Variants in ANAPC10 observed in about 807,000 individuals in gnomAD.
ANAPC10 encodes anaphase-promoting complex subunit 10.
ANAPC10 carries 12 observed loss-of-function variants against 22.0 expected under a neutral mutation model. The ratio of observed to expected loss-of-function variants is 0.55; its 90% CI spans 0.35 to 0.88. The LOEUF (loss-of-function observed/expected upper bound fraction) is 0.88, where lower values mean the gene tolerates loss of function less well. Among genes scored for constraint, ANAPC10 ranks in the 40% least tolerant of loss-of-function variants. The probability of loss-of-function intolerance (pLI) is 0.01; values close to 1 mark genes in which losing one functional copy is unlikely to be tolerated. For missense variants in ANAPC10, 188 were observed against 220.9 expected, an observed-to-expected ratio of 0.85 and a Z score of 0.94; for synonymous variants, 65 against 69.5, an observed-to-expected ratio of 0.94 and a Z score of 0.32.
chr4:145,035,315 G>A (rs898870348), intron 4 of ANAPC10: 30 of 152,332 alleles, frequency 2.0e-4, no homozygotes, highest in African/African-American at 7.0e-4. Context: ...CCACTCTTTG[G>A]TCAAGAATAT....
At chr4:145,069,436 T>C (rs766303145) in intron 3 of ANAPC10, among the ~76,000 whole-genome samples, 8 of 152,166 alleles carry the variant, frequency 5.3e-5, no homozygotes, top group East Asian at 1.9e-4. Flanking sequence ...TTCACAAGGA[T>C]AGGCAAAGAA....
intron 4 of ANAPC10, among the ~76,000 whole-genome samples, chr4:145,011,711 A>G (rs972015284): frequency 1.3e-5 from 2 of 152,166 alleles, no homozygotes; most frequent in African/African-American, 4.8e-5. Flanking sequence ...AGACAAAATT[A>G]GAGACTTCAA....
At chr4:144,995,649 T>A in intron 4 of ANAPC10, 46 bp from the exon 5 acceptor site, 1 of 1,328,172 alleles carries the variant, frequency 7.5e-7, no homozygotes, top group Non-Finnish European at 1.1e-6. Context: ...TCAACAAATA[T>A]AATTTATAAC....
At chr4:145,046,743 C>T (rs948095842) in intron 4 of ANAPC10, among the ~76,000 whole-genome samples, 1 of 151,678 alleles carries the variant, frequency 6.6e-6, no homozygotes, top group African/African-American at 2.4e-5. Context: ...TTCTCTCTGT[C>T]CAGTTGCAAC....
intron 4 of ANAPC10, among the ~76,000 whole-genome samples, chr4:145,060,838 AATC>A (rs1318485304): frequency 1.3e-5 from 2 of 152,078 alleles, no homozygotes; most frequent in African/African-American, 4.8e-5. Flanking sequence ...GAAAAAATAA[AATC>A]ATGATCTGCT....
At chr4:145,079,838 G>A (rs1745706789) in intron 3 of ANAPC10, among the ~76,000 whole-genome samples, 1 of 152,124 alleles carries the variant, frequency 6.6e-6, no homozygotes, top group South Asian at 2.1e-4. Context: ...ACATGGCTAG[G>A]TGTAGTGGCT....
chr4:145,018,142 T>C (rs1735476029), intron 4 of ANAPC10, among the ~76,000 whole-genome samples: 1 of 146,566 alleles, frequency 6.8e-6, no homozygotes, highest in Admixed American at 6.9e-5. Flanking sequence ...TATATATAAA[T>C]AAAATAAAGC....
At chr4:145,072,928 C>T (rs1215469928) in intron 3 of ANAPC10, among the ~76,000 whole-genome samples, 1 of 150,054 alleles carries the variant, frequency 6.7e-6, no homozygotes, top group African/African-American at 2.5e-5. Context: ...GACAGGGTCT[C>T]GCTCTGTCAC....
chr4:144,997,590 T>C (rs1385647254), intron 4 of ANAPC10, among the ~76,000 whole-genome samples: 1 of 152,038 alleles, frequency 6.6e-6, no homozygotes, highest in Non-Finnish European at 1.5e-5. Flanking sequence ...GCACTAAATA[T>C]GGAAAGGAAC....
At chr4:145,084,028 T>C (rs1746491960) in intron 2 of ANAPC10, among the ~76,000 whole-genome samples, 1 of 152,046 alleles carries the variant, frequency 6.6e-6, no homozygotes, top group African/African-American at 2.4e-5. Context: ...TGGAATGCAG[T>C]AGCACCATCA....
chr4:145,080,325 A>G (rs34864502), intron 3 of ANAPC10, among the ~76,000 whole-genome samples: 4,158 of 152,260 alleles, frequency 0.027, 98 homozygotes, highest in South Asian at 0.048. Flanking sequence ...AAACCTGCAC[A>G]TGTACTCCCT....
At chr4:145,092,247 G>A (rs967494033) in intron 2 of ANAPC10, among the ~76,000 whole-genome samples, 2 of 152,060 alleles carry the variant, frequency 1.3e-5, no homozygotes, top group African/African-American at 4.8e-5. Context: ...GTTGATAGGT[G>A]CAGCAAATCA....
chr4:145,041,081 G>T (rs1739441346), intron 4 of ANAPC10, among the ~76,000 whole-genome samples: 1 of 152,044 alleles, frequency 6.6e-6, no homozygotes, highest in Non-Finnish European at 1.5e-5. Context: ...TTGCTTGTAG[G>T]ATCTATGACT....
At chr4:144,998,375 A>G (rs976325768) in intron 4 of ANAPC10, among the ~76,000 whole-genome samples, 1 of 152,148 alleles carries the variant, frequency 6.6e-6, no homozygotes, top group Non-Finnish European at 1.5e-5. Flanking sequence ...AATTATCACA[A>G]ACTGTCTCTA....
intron 4 of ANAPC10, among the ~76,000 whole-genome samples, chr4:145,006,987 T>G (rs1733470191): frequency 6.6e-6 from 1 of 152,080 alleles, no homozygotes; most frequent in African/African-American, 2.4e-5. Flanking sequence ...TTCTGGTACC[T>G]CAAGTGGCTA....
chr4:145,088,986 G>A (rs1747283220), intron 2 of ANAPC10, among the ~76,000 whole-genome samples: 1 of 151,984 alleles, frequency 6.6e-6, no homozygotes, highest in African/African-American at 2.4e-5. Flanking sequence ...CTAACTTCCT[G>A]GTGTCAAGAA....
At chr4:145,031,083 A>G (rs1488792114) in intron 4 of ANAPC10, among the ~76,000 whole-genome samples, 1 of 152,170 alleles carries the variant, frequency 6.6e-6, no homozygotes, top group Non-Finnish European at 1.5e-5. Flanking sequence ...CCTGTCCATA[A>G]GGCCCACCAG....
At position 145,064,765 on chromosome 4, in the gene ANAPC10, T is replaced by G. The variant is rs986269649; in HGVS notation, c.207-73A>C. On this transcript the variant is annotated intron_variant, in intron 3 of 4. Coordinates refer to ENST00000507656, the MANE Select transcript of ANAPC10 (RefSeq NM_001256706.2). ...ATTTCCAATGCATCTTATCTTCTGA[T>G]TTTAAAAATCATAGTTTGCTAAAAG... is the stretch of plus-strand genomic sequence containing the variant. 2.6e-4 allele frequency: 335 copies of G among 1,274,112 alleles called. 1 individual carries two copies. Among genetic ancestry groups the G allele is most frequent in the Non-Finnish European group, 3.4e-4 (324 of 943,846 alleles). 78.9% of individuals were successfully genotyped at this position (1,274,112 alleles called of 1,614,324 possible). A position where few individuals can be genotyped will look rare whatever the true frequency, so the allele number is the denominator to read the frequency against.
At chr4:145,082,732 C>T (rs2126601933) in intron 2 of ANAPC10, among the ~76,000 whole-genome samples, 1 of 152,258 alleles carries the variant, frequency 6.6e-6, no homozygotes, top group South Asian at 2.1e-4. Context: ...TTGTACAATC[C>T]TGTGTTTTTT....
Sources: gnomAD v4.1 joint callset for allele counts (sites outside exome capture counted in the v4.1 genomes callset) on GRCh38, gnomAD v4.1.1 for gene constraint, MANE v1.5 for transcripts, NCBI Gene and HGNC (gene_info 2026-07-23, HGNC 2026-07-21) for gene names.